The following ARHGAP44 variants were observed in gnomAD, a reference collection of about 807,000 sequenced individuals.
ARHGAP44 encodes Rho GTPase activating protein 44.
Under a neutral mutation model 106.8 loss-of-function variants are expected in ARHGAP44, and 43 were observed. The observed-to-expected ratio is 0.40, with a 90% confidence interval of 0.32 to 0.52. The LOEUF is 0.52. ARHGAP44 is among the 20% of genes least tolerant of loss of function. The pLI is 0.48. For missense variants in ARHGAP44, 866 were observed against 1,050.5 expected, an observed-to-expected ratio of 0.82 and a Z score of 2.43; for synonymous variants, 439 against 410.3, an observed-to-expected ratio of 1.07 and a Z score of -0.85.
At chr17:12,914,126 C>G (rs933076886) in intron 4 of ARHGAP44, among the ~76,000 whole-genome samples, 2 of 152,072 alleles carry the variant, frequency 1.3e-5, no homozygotes, top group African/African-American at 4.8e-5. Context: ...ATAAATAGAT[C>G]CTAATACAAA....
intron 8 of ARHGAP44, 54 bp downstream of exon 8, chr17:12,941,178 T>G: frequency 1.3e-6 from 2 of 1,530,948 alleles, no homozygotes; most frequent in Non-Finnish European, 1.8e-6. Context: ...GAGAAGGGAA[T>G]GTGGGCATGG....
intron 18 of ARHGAP44, among the ~76,000 whole-genome samples, chr17:12,974,871 A>G (rs1388597844): frequency 6.8e-6 from 1 of 146,538 alleles, no homozygotes; most frequent in Non-Finnish European, 1.5e-5. Context: ...TTTTTTCGAG[A>G]TGGAGTCTCG....
chr17:12,895,333 A>G (rs1422754536), intron 2 of ARHGAP44, among the ~76,000 whole-genome samples: 3 of 152,172 alleles, frequency 2.0e-5, no homozygotes, highest in Non-Finnish European at 4.4e-5. Flanking sequence ...AAGTCATTTC[A>G]CCACAGTTAG....
chr17:12,987,208 C>G, intron 20 of ARHGAP44: 1 of 1,435,086 alleles, frequency 7.0e-7, no homozygotes, highest in Non-Finnish European at 9.4e-7. Flanking sequence ...GCCAGCTGCC[C>G]GCTCCTCCCC....
intron 18 of ARHGAP44, among the ~76,000 whole-genome samples, chr17:12,978,553 CTCCCAG>C (rs71967233): frequency 0.31 from 47,592 of 151,832 alleles, 7,618 homozygotes; most frequent in South Asian, 0.43. Flanking sequence ...CAGCTCCCTG[CTCCCAG>C]TCTTTCTCAC....
intron 1 of ARHGAP44, among the ~76,000 whole-genome samples, chr17:12,842,369 A>T (rs1486739556): frequency 6.7e-6 from 1 of 148,514 alleles, no homozygotes; most frequent in East Asian, 2.0e-4. Context: ...GTGAGCCATG[A>T]TCATGCCACT....
intron 6 of ARHGAP44, among the ~76,000 whole-genome samples, chr17:12,920,367 C>T (rs1311089378): frequency 4.0e-5 from 4 of 100,134 alleles, no homozygotes; most frequent in African/African-American, 5.4e-5. Context: ...CAGAGCAAGA[C>T]TCCATCTCAA....
At chr17:12,924,535 C>T (rs561117073) in intron 6 of ARHGAP44, among the ~76,000 whole-genome samples, 2 of 152,142 alleles carry the variant, frequency 1.3e-5, no homozygotes, top group African/African-American at 2.4e-5. Flanking sequence ...CCATTTCTGC[C>T]GAACCAGCTG....
At chr17:12,798,212 G>A (rs1006778386) in intron 1 of ARHGAP44, among the ~76,000 whole-genome samples, 3 of 152,018 alleles carry the variant, frequency 2.0e-5, no homozygotes, top group African/African-American at 7.2e-5. Context: ...TAATTGCATT[G>A]TCTAGGACTT....
intron 12 of ARHGAP44, among the ~76,000 whole-genome samples, chr17:12,951,151 T>C (rs1489503719): frequency 6.6e-6 from 1 of 152,234 alleles, no homozygotes; most frequent in African/African-American, 2.4e-5. Flanking sequence ...TTCATGACAT[T>C]AATAATTACA....
At chr17:12,971,024 C>G (rs1325817423) in intron 16 of ARHGAP44, among the ~76,000 whole-genome samples, 2 of 152,168 alleles carry the variant, frequency 1.3e-5, no homozygotes, top group Non-Finnish European at 2.9e-5. Flanking sequence ...TGTCAGTGAA[C>G]ATTTGATGTG....
intron 18 of ARHGAP44, among the ~76,000 whole-genome samples, chr17:12,975,069 C>CA (rs2039642577): frequency 6.6e-6 from 1 of 152,014 alleles, no homozygotes; most frequent in Non-Finnish European, 1.5e-5. Flanking sequence ...AGGCTGGTCT[C>CA]AAACTCCTGA....
chr17:12,917,046 A>C (rs1476263778), intron 5 of ARHGAP44, among the ~76,000 whole-genome samples: 4 of 152,170 alleles, frequency 2.6e-5, no homozygotes, highest in African/African-American at 9.7e-5. Context: ...CCAAAATCCC[A>C]AAAACTCCCA....
At chr17:12,940,420 G>C (rs752223577) in intron 7 of ARHGAP44, among the ~76,000 whole-genome samples, 2 of 152,172 alleles carry the variant, frequency 1.3e-5, no homozygotes, top group Non-Finnish European at 2.9e-5. Flanking sequence ...AGATTTCAAT[G>C]CAGCATTGGG....
At position 12,817,438 on chromosome 17, in the gene ARHGAP44, A is replaced by G. The variant is rs2034630933; in HGVS notation, c.53+27547A>G. Among the ~76,000 whole-genome samples the G allele has an allele frequency of 2.0e-5, 3 of 152,034 alleles. 1 individual carries two copies. ...AAGAAGTAAAAGAAGAATGGTCTCA[A>G]ATCAGTAATATAAGGTTCTACCTTA... On this transcript the variant is annotated intron_variant, in intron 1 of 20. Coordinates refer to ENST00000379672, the MANE Select transcript of ARHGAP44 (RefSeq NM_014859.6).
chr17:12,845,211 T>TCA (rs1327441465), intron 1 of ARHGAP44, among the ~76,000 whole-genome samples: 2 of 131,022 alleles, frequency 1.5e-5, no homozygotes, highest in African/African-American at 8.0e-5. Context: ...TTCATTTACT[T>TCA]TAAAAAAAAT....
At chr17:12,862,768 C>T (rs554667198) in intron 1 of ARHGAP44, among the ~76,000 whole-genome samples, 64 of 151,622 alleles carry the variant, frequency 4.2e-4, no homozygotes, top group African/African-American at 1.5e-3. Context: ...GCTGAGGTGG[C>T]AGGATCACTT....
chr17:12,818,119 A>G (rs2034651583), intron 1 of ARHGAP44, among the ~76,000 whole-genome samples: 1 of 151,992 alleles, frequency 6.6e-6, no homozygotes. Context: ...ATGCAGCAAT[A>G]TGTAAAAAAT....
At chr17:12,941,371 TG>T (rs2038704737) in intron 8 of ARHGAP44, among the ~76,000 whole-genome samples, 1 of 152,214 alleles carries the variant, frequency 6.6e-6, no homozygotes, top group African/African-American at 2.4e-5. Flanking sequence ...GGAATAATTT[TG>T]TTCCTTCTCT....
Sources: allele counts gnomAD v4.1 joint callset (sites outside exome capture counted in the v4.1 genomes callset), GRCh38; gene constraint gnomAD v4.1.1; transcripts MANE v1.5; gene names NCBI Gene and HGNC (gene_info 2026-07-23, HGNC 2026-07-21).